The following UMAD1 variants were observed in gnomAD, a reference collection of about 807,000 sequenced individuals.
UMAD1 encodes the protein UBAP1-MVB12-associated (UMA) domain containing 1, also known as UBAP1-MVB12-associated (UMA)-domain containing protein 1.
Under a neutral mutation model 6.1 loss-of-function variants are expected in UMAD1, and 8 were observed. The ratio of observed to expected loss-of-function variants is 1.30; its 90% CI spans 0.76 to 2.35. UMAD1 has a LOEUF of 2.35. Ranked by LOEUF, UMAD1 falls within the 30% of genes most tolerant of loss-of-function variation. The pLI is 0.00. For missense variants in UMAD1, 130 were observed against 78.4 expected, an observed-to-expected ratio of 1.66 and a Z score of -2.49; for synonymous variants, 56 against 31.4, an observed-to-expected ratio of 1.78 and a Z score of -2.61.
chr7:7,738,657 C>T (rs572066459), intron 2 of UMAD1: 1 of 152,348 alleles, frequency 6.6e-6, no homozygotes, highest in African/African-American at 2.4e-5. Flanking sequence ...TACCGAGTGA[C>T]ATCATATGTA....
At chr7:7,867,500 G>A (rs1784255751) in intron 3 of UMAD1, among the ~76,000 whole-genome samples, 2 of 152,246 alleles carry the variant, frequency 1.3e-5, no homozygotes, top group East Asian at 1.9e-4. Flanking sequence ...CAAGTGTACC[G>A]AAGCCAAGAA....
At chr7:7,644,046 G>A (rs1785039045) in intron 1 of UMAD1, among the ~76,000 whole-genome samples, 2 of 152,256 alleles carry the variant, frequency 1.3e-5, no homozygotes, top group Admixed American at 6.5e-5. Context: ...GGTGGTACCA[G>A]TTTACTCTCT....
intron 2 of UMAD1, among the ~76,000 whole-genome samples, chr7:7,732,528 G>A (rs1321031190): frequency 1.3e-5 from 2 of 152,242 alleles, no homozygotes; most frequent in South Asian, 4.1e-4. Context: ...AAATCAGTGT[G>A]CCTAAGACTT....
At chr7:7,767,392 T>C (rs1782010057) in intron 2 of UMAD1, among the ~76,000 whole-genome samples, 1 of 152,202 alleles carries the variant, frequency 6.6e-6, no homozygotes, top group Non-Finnish European at 1.5e-5. Context: ...CCCAAAGTGC[T>C]GAGATTACAG....
At position 7,792,665 on chromosome 7, in the gene UMAD1, T is replaced by G. The variant is rs116073457; in HGVS notation, c.83-9005T>G. Among the ~76,000 whole-genome samples the G allele has an allele frequency of 4.7e-3, 711 of 152,328 alleles. 5 individuals are homozygous for G. The highest frequency in any genetic ancestry group is 0.016 in the African/African-American group (668 of 41,572). ...TGCCAGAGCATTTAATAAGATTACA[T>G]GTACGGGCCTTCCCCTCCCATCCTC... On this transcript the variant is annotated intron_variant, in intron 2 of 3. Coordinates refer to ENST00000682710, the MANE Select transcript of UMAD1 (RefSeq NM_001302348.2).
intron 3 of UMAD1, among the ~76,000 whole-genome samples, chr7:7,827,989 T>C (rs1420905446): frequency 1.3e-5 from 2 of 152,190 alleles, no homozygotes; most frequent in African/African-American, 4.8e-5. Context: ...GAAGCCACTA[T>C]AAGACCATTT....
At chr7:7,710,686 A>G (rs1287560037) in intron 2 of UMAD1, among the ~76,000 whole-genome samples, 1 of 152,242 alleles carries the variant, frequency 6.6e-6, no homozygotes, top group South Asian at 2.1e-4. Context: ...CTCAGCAATT[A>G]CACTTTGGGC....
intron 2 of UMAD1, among the ~76,000 whole-genome samples, chr7:7,788,791 A>G (rs1037901428): frequency 1.3e-5 from 2 of 152,016 alleles, no homozygotes; most frequent in Non-Finnish European, 2.9e-5. Flanking sequence ...ATTTTCAGCA[A>G]CCTCTTCTTC....
chr7:7,781,030 T>C (rs1583820062), intron 2 of UMAD1, among the ~76,000 whole-genome samples: 1 of 152,320 alleles, frequency 6.6e-6, no homozygotes, highest in South Asian at 2.1e-4. Context: ...ATCCTGGAAG[T>C]GGATTTACCA....
At chr7:7,795,441 A>C (rs1478808408) in intron 2 of UMAD1, among the ~76,000 whole-genome samples, 3 of 152,188 alleles carry the variant, frequency 2.0e-5, no homozygotes, top group Non-Finnish European at 4.4e-5. Context: ...ACTGGAAAGG[A>C]ATCCTGATCT....
intron 3 of UMAD1, among the ~76,000 whole-genome samples, chr7:7,826,269 T>G (rs1250261830): frequency 6.6e-6 from 1 of 152,182 alleles, no homozygotes; most frequent in Non-Finnish European, 1.5e-5. Context: ...CTGATAATAG[T>G]GGCTCCATGA....
At chr7:7,809,731 A>G (rs1193237739) in intron 3 of UMAD1, among the ~76,000 whole-genome samples, 1 of 151,756 alleles carries the variant, frequency 6.6e-6, no homozygotes, top group Non-Finnish European at 1.5e-5. Flanking sequence ...CTAAAATTTG[A>G]TTTTCTGAAA....
At chr7:7,651,371 T>C (rs749153856) in intron 1 of UMAD1, among the ~76,000 whole-genome samples, 1 of 152,014 alleles carries the variant, frequency 6.6e-6, no homozygotes, top group Non-Finnish European at 1.5e-5. Context: ...GGATGGAGGG[T>C]GTGGCAGGCC....
chr7:7,645,817 A>T (rs563630868), intron 1 of UMAD1, among the ~76,000 whole-genome samples: 1 of 145,426 alleles, frequency 6.9e-6, no homozygotes. Flanking sequence ...TTTGTTTAGG[A>T]TTTTTTTTTT....
intron 3 of UMAD1, among the ~76,000 whole-genome samples, chr7:7,802,105 C>T (rs1381168181): frequency 6.6e-6 from 1 of 152,256 alleles, no homozygotes; most frequent in Non-Finnish European, 1.5e-5. Flanking sequence ...TTCAGCCGGG[C>T]ACAGTGGCTC....
intron 3 of UMAD1, among the ~76,000 whole-genome samples, chr7:7,829,785 A>G (rs945197749): frequency 1.3e-5 from 2 of 152,198 alleles, no homozygotes; most frequent in Non-Finnish European, 2.9e-5. Flanking sequence ...TAGAAAAAGC[A>G]TGTAGTATCA....
At position 7,825,128 on chromosome 7, in the gene UMAD1, A is replaced by T. The variant is rs553600070; in HGVS notation, c.156+23385A>T. 9.8e-4 allele frequency among the ~76,000 whole-genome samples: 149 copies of T among 152,188 alleles called. 2 individuals are homozygous for T. In the South Asian group the frequency reaches 0.018, roughly 19 times the overall value. ...GCCTGTCAATATCTTAGAGATGGGA[A>T]TAGAGTGGATAGGAGGTGGGCGCAG... On this transcript the variant is annotated intron_variant, in intron 3 of 3. Coordinates refer to ENST00000682710, the MANE Select transcript of UMAD1 (RefSeq NM_001302348.2).
At chr7:7,757,562 A>G (rs1271783954) in intron 2 of UMAD1, among the ~76,000 whole-genome samples, 1 of 152,212 alleles carries the variant, frequency 6.6e-6, no homozygotes, top group Non-Finnish European at 1.5e-5. Flanking sequence ...CCAGATGTAA[A>G]TGAGGTAACT....
intron 2 of UMAD1, among the ~76,000 whole-genome samples, chr7:7,770,488 T>C (rs1304937320): frequency 6.6e-6 from 1 of 152,052 alleles, no homozygotes; most frequent in Non-Finnish European, 1.5e-5. Flanking sequence ...GCAAGAGAGG[T>C]AGATGGTCTG....
Sources: allele counts gnomAD v4.1 joint callset (sites outside exome capture counted in the v4.1 genomes callset), GRCh38; gene constraint gnomAD v4.1.1; transcripts MANE v1.5; gene names NCBI Gene and HGNC (gene_info 2026-07-23, HGNC 2026-07-21).